HMGN5: variants seen among roughly 807,000 people sequenced by gnomAD.
The protein encoded by HMGN5 is high mobility group nucleosome binding domain 5.
Under a neutral mutation model 9.5 loss-of-function variants are expected in HMGN5, and 4 were observed. The observed-to-expected ratio is 0.42, with a 90% CI of 0.21 to 0.96. HMGN5 has a LOEUF of 0.96. HMGN5 is among the 40% of genes least tolerant of loss of function. The pLI is 0.30. For synonymous variants in HMGN5, 55 were observed against 57.1 expected (o/e 0.96, Z 0.16); for missense variants, 192 against 187.5 (o/e 1.02, Z -0.14).
At chrX:81,197,457 T>C (rs1370479537) in intron 1 of HMGN5, among the ~76,000 whole-genome samples, 1 of 111,930 alleles carries the variant, frequency 8.9e-6, no homozygotes, top group East Asian at 2.8e-4. Flanking sequence ...TTTCTGCTTC[T>C]GGAAAAGGTG....
At chrX:81,156,176 A>G (rs1224381153) in intron 1 of HMGN5, among the ~76,000 whole-genome samples, 2 of 112,053 alleles carry the variant, frequency 1.8e-5, no homozygotes, top group Admixed American at 1.9e-4. Flanking sequence ...GTTTTCTAAA[A>G]ATCAAATGGT....
At chrX:81,167,401 C>T (rs938902381) in intron 1 of HMGN5, among the ~76,000 whole-genome samples, 2 of 110,257 alleles carry the variant, frequency 1.8e-5, no homozygotes, top group African/African-American at 6.6e-5. Context: ...ATTTTGACTA[C>T]TATCCACAAA....
rs141373909 is a variant in HMGN5 at position 81,140,157 on chromosome X, G to A, written c.-123-18485C>T. 5.8e-3 allele frequency among the ~76,000 whole-genome samples: 643 copies of A among 111,743 alleles called. 1 individual carries two copies. The highest frequency in any genetic ancestry group is 8.7e-3 in the Non-Finnish European group (463 of 53,108). On this transcript the variant is annotated intron_variant, in intron 1 of 6. Transcript: ENST00000358130. ...GTCTTGTATCTTGGATACCAGCTCAGTCACAGCAGGAAAGGGCACCAGAGT... is the reference window on the plus strand; with the variant it reads ...GTCTTGTATCTTGGATACCAGCTCAATCACAGCAGGAAAGGGCACCAGAGT...
At position 81,198,626 on chromosome X, in the gene HMGN5, C is replaced by A. The variant is rs183334248; in HGVS notation, c.-124+3111G>T. Among the ~76,000 whole-genome samples the A allele has an allele frequency of 6.4e-3, 717 of 111,821 alleles. 3 individuals carry two copies. The highest frequency in any genetic ancestry group is 0.022 in the African/African-American group (674 of 30,730). ...ACATAAACAGAACTAATGACAAAAA[C>A]CACACGATTATCTCAATAGATGCAG... On this transcript the variant is annotated intron_variant, in intron 1 of 6. Transcript: ENST00000358130.
intron 1 of HMGN5, among the ~76,000 whole-genome samples, chrX:81,184,558 A>ATT (rs200858929): frequency 1.6e-3 from 162 of 100,994 alleles, no homozygotes; most frequent in African/African-American, 5.1e-3. Context: ...CATTTTATTG[A>ATT]TTTTTTTTTT....
chrX:81,181,203 AC>A (rs908837344), intron 1 of HMGN5, among the ~76,000 whole-genome samples: 6 of 112,018 alleles, frequency 5.4e-5, no homozygotes, highest in African/African-American at 9.7e-5. Flanking sequence ...TAATAAAAAA[AC>A]ATTAAAAAGA....
At chrX:81,187,473 A>C in intron 1 of HMGN5, among the ~76,000 whole-genome samples, 1 of 109,599 alleles carries the variant, frequency 9.1e-6, no homozygotes, top group African/African-American at 3.5e-5. Flanking sequence ...TCCTTCTTAT[A>C]GAATTTTTTT....
At chrX:81,146,817 TCAC>T (rs1443095630) in intron 1 of HMGN5, among the ~76,000 whole-genome samples, 3 of 111,199 alleles carry the variant, frequency 2.7e-5, no homozygotes, top group Non-Finnish European at 5.7e-5. Context: ...AAAGGGGATA[TCAC>T]CACCGATCCC....
chrX:81,164,304 T>A (rs1055052759), intron 1 of HMGN5, among the ~76,000 whole-genome samples: 3 of 111,806 alleles, frequency 2.7e-5, no homozygotes, highest in South Asian at 3.7e-4. Context: ...ATAAGAAAGA[T>A]ACAGAATCAG....
intron 1 of HMGN5, among the ~76,000 whole-genome samples, chrX:81,153,314 A>G (rs2075370276): frequency 9.4e-6 from 1 of 106,496 alleles, no homozygotes; most frequent in African/African-American, 3.4e-5. Flanking sequence ...GCACTTTGGA[A>G]GGCTGAGGTG....
chrX:81,186,182 G>A (rs933666882), intron 1 of HMGN5, among the ~76,000 whole-genome samples: 6 of 111,740 alleles, frequency 5.4e-5, no homozygotes, highest in Non-Finnish European at 1.1e-4. Flanking sequence ...GTGTGAGTAG[G>A]TTGGTATTAA....
chrX:81,173,683 T>C (rs1186638240), intron 1 of HMGN5, among the ~76,000 whole-genome samples: 9 of 112,121 alleles, frequency 8.0e-5, no homozygotes, highest in Non-Finnish European at 1.5e-4. Flanking sequence ...GTGAGTACTA[T>C]ACTTTTTGTT....
At chrX:81,156,889 C>G (rs964735176) in intron 1 of HMGN5, among the ~76,000 whole-genome samples, 1 of 111,035 alleles carries the variant, frequency 9.0e-6, no homozygotes, top group Non-Finnish European at 1.9e-5. Flanking sequence ...GGCACTGATA[C>G]TATCAGTTGT....
intron 1 of HMGN5, among the ~76,000 whole-genome samples, chrX:81,194,305 G>T (rs752806988): frequency 9.1e-6 from 1 of 110,053 alleles, no homozygotes; most frequent in Non-Finnish European, 1.9e-5. Flanking sequence ...TAACCATAAA[G>T]AAAAATATTT....
intron 1 of HMGN5, among the ~76,000 whole-genome samples, chrX:81,184,672 G>A (rs1324112814): frequency 1.8e-5 from 2 of 110,109 alleles, no homozygotes; most frequent in Non-Finnish European, 3.8e-5. Flanking sequence ...TCCTATGCTT[G>A]TGGGTTATTA....
At chrX:81,150,758 A>G (rs1459745667) in intron 1 of HMGN5, among the ~76,000 whole-genome samples, 1 of 111,729 alleles carries the variant, frequency 9.0e-6, no homozygotes, top group Non-Finnish European at 1.9e-5. Context: ...AAGAGAGAAG[A>G]TTCAATTAAA....
At chrX:81,138,097 A>C (rs1344876181) in intron 1 of HMGN5, among the ~76,000 whole-genome samples, 2 of 111,906 alleles carry the variant, frequency 1.8e-5, no homozygotes, top group African/African-American at 3.2e-5. Context: ...CTAATTTTAC[A>C]AGGCCAGTAT....
chrX:81,145,019 T>C (rs771400558), intron 1 of HMGN5, among the ~76,000 whole-genome samples: 1 of 111,195 alleles, frequency 9.0e-6, no homozygotes, highest in Non-Finnish European at 1.9e-5. Flanking sequence ...CAAATCTACG[T>C]TTGATTGGTG....
Position 81,115,005 on chromosome X carries a change from C to G in HMGN5, c.493G>C (p.Glu165Gln). 1.7e-6 allele frequency: 2 copies of G among 1,152,307 alleles called. No homozygotes were observed. The highest frequency in any genetic ancestry group is 2.3e-6 in the Non-Finnish European group (2 of 868,613). 95.0% of individuals were successfully genotyped at this position (1,152,307 alleles called of 1,213,427 possible). Reference sequence around the variant, plus strand: ...TTCTCTTTTGCATCTTCTCCTTTCTCATTTCCATTTTTATCCTCTTTTCCA... The same window carrying G: ...TTCTCTTTTGCATCTTCTCCTTTCTGATTTCCATTTTTATCCTCTTTTCCA... ...EDGKEDKNGN[E>Q]KGEDAKEKED... The change falls in exon 7 of 7, where the codon GAG becomes CAG. Residue 165 changes from glutamate (E) to glutamine (Q), a missense_variant. Glu to Gln is a conservative substitution (Grantham distance 29). Coordinates refer to ENST00000358130, the MANE Select transcript of HMGN5 (RefSeq NM_030763.3).
Sources: allele counts gnomAD v4.1 joint callset (sites outside exome capture counted in the v4.1 genomes callset), GRCh38; gene constraint gnomAD v4.1.1; transcripts MANE v1.5; gene names NCBI Gene and HGNC (gene_info 2026-07-23, HGNC 2026-07-21).